AGBL1: variants seen among roughly 807,000 people sequenced by gnomAD.
AGBL1 encodes the protein AGBL carboxypeptidase 1.
In AGBL1, 130 loss-of-function variants were observed where a neutral mutation model predicts 118.9. The observed-to-expected ratio is 1.09, with a 90% CI of 0.95 to 1.26. The LOEUF (loss-of-function observed/expected upper bound fraction) is 1.26. AGBL1 is among the 50% of genes most tolerant of loss of function. The pLI, the probability that AGBL1 is intolerant of heterozygous loss-of-function variation, is 0.00. For missense variants in AGBL1, 1,584 were observed against 1,298.1 expected (o/e 1.22, Z -3.38); for synonymous variants, 555 against 478.9 (o/e 1.16, Z -2.08).
At chr15:86,385,820 T>C (rs1052162213) in intron 17 of AGBL1, among the ~76,000 whole-genome samples, 2 of 152,122 alleles carry the variant, frequency 1.3e-5, no homozygotes, top group African/African-American at 4.8e-5. Flanking sequence ...GTGCATCCTT[T>C]GGGTATTTGA....
At chr15:86,617,756 A>G (rs555531922) in intron 21 of AGBL1, among the ~76,000 whole-genome samples, 1 of 101,608 alleles carries the variant, frequency 9.8e-6, no homozygotes, top group African/African-American at 3.6e-5. Context: ...ATTCAACTTT[A>G]TGCGCACACA....
At position 86,432,959 on chromosome 15, in the gene AGBL1, C is replaced by A. The variant is rs1315275203; in HGVS notation, c.2555+35413C>A. On this transcript the variant is annotated intron_variant, in intron 18 of 22. Coordinates refer to ENST00000614907, the MANE Select transcript of AGBL1 (RefSeq NM_001386094.1). ...GTTCTGGCAGGGCCTGGCTGCAGGG[C>A]TGCTAGGGGCCATGCTGAGGTCCAG... Among the ~76,000 whole-genome samples, 3 of 152,192 alleles carry A rather than the reference C, an allele frequency of 2.0e-5. No homozygotes were observed. In the East Asian group the frequency reaches 5.8e-4, roughly 29 times the overall value.
rs1020648891 is a variant in AGBL1, at chr15:86,346,496, G to A, written c.2375-50870G>A. ...CGAGTAACTGGGACTACAGGCGCCC[G>A]CCACCATGCCTGGCTAATATTTTTT... On this transcript the variant is annotated intron_variant, in intron 17 of 22. Coordinates refer to ENST00000614907, the MANE Select transcript of AGBL1 (RefSeq NM_001386094.1). Among the ~76,000 whole-genome samples, 11 of 151,888 alleles carry A rather than the reference G, an allele frequency of 7.2e-5. No individual in the cohort carries two copies. In the South Asian group the frequency reaches 1.9e-3, roughly 26 times the overall value.
chr15:86,713,018 T>A (rs1035426833), intron 22 of AGBL1, among the ~76,000 whole-genome samples: 1 of 152,150 alleles, frequency 6.6e-6, no homozygotes, highest in African/African-American at 2.4e-5. Flanking sequence ...AAGGGACAAT[T>A]TAGCTTGTGT....
intron 17 of AGBL1, among the ~76,000 whole-genome samples, chr15:86,347,411 G>A (rs1322519799): frequency 6.6e-6 from 1 of 152,132 alleles, no homozygotes; most frequent in African/African-American, 2.4e-5. Context: ...ACAGGGTTAC[G>A]TCCTAGTAGA....
At chr15:86,635,759 C>T (rs904871689) in intron 21 of AGBL1, among the ~76,000 whole-genome samples, 1 of 152,122 alleles carries the variant, frequency 6.6e-6, no homozygotes, top group Non-Finnish European at 1.5e-5. Flanking sequence ...AAAGATATCA[C>T]CCATCACATA....
intron 22 of AGBL1, among the ~76,000 whole-genome samples, chr15:86,683,377 A>T (rs940245926): frequency 4.6e-5 from 7 of 152,196 alleles, no homozygotes; most frequent in African/African-American, 1.4e-4. Context: ...TGGTGAATTG[A>T]AAAGAGAAAA....
At chr15:86,508,602 C>A (rs2083012578) in intron 18 of AGBL1, among the ~76,000 whole-genome samples, 1 of 151,866 alleles carries the variant, frequency 6.6e-6, no homozygotes, top group Non-Finnish European at 1.5e-5. Flanking sequence ...TTTTTCTCCT[C>A]TTATTTTTAT....
intron 18 of AGBL1, among the ~76,000 whole-genome samples, chr15:86,495,600 C>A (rs984310109): frequency 6.6e-6 from 1 of 151,780 alleles, no homozygotes; most frequent in Non-Finnish European, 1.5e-5. Flanking sequence ...ATTGTTGGAA[C>A]GCTGTTCTTA....
chr15:86,938,651 G>C (rs1031977246), intron 23 of AGBL1: 3 of 152,184 alleles, frequency 2.0e-5, no homozygotes, highest in Non-Finnish European at 4.4e-5. Flanking sequence ...CTCTCTCAGG[G>C]GTTGGAGAAA....
chr15:86,923,358 A>G (rs117309341), intron 23 of AGBL1, among the ~76,000 whole-genome samples: 299 of 152,280 alleles, frequency 2.0e-3, no homozygotes, highest in Admixed American at 4.8e-3. Flanking sequence ...TTCAATACAC[A>G]GGGCCCAGGA....
intron 21 of AGBL1, among the ~76,000 whole-genome samples, chr15:86,609,390 G>A (rs1035280435): frequency 6.6e-6 from 1 of 152,202 alleles, no homozygotes; most frequent in African/African-American, 2.4e-5. Flanking sequence ...TACCAAAGCT[G>A]AGAATCACAG....
intron 19 of AGBL1, among the ~76,000 whole-genome samples, chr15:86,525,693 C>A (rs1161903989): frequency 6.6e-6 from 1 of 152,124 alleles, no homozygotes; most frequent in Non-Finnish European, 1.5e-5. Context: ...CCCTGTCTCT[C>A]ACCAAATACA....
chr15:86,500,866 T>C (rs1318085767), intron 18 of AGBL1, among the ~76,000 whole-genome samples: 3 of 151,810 alleles, frequency 2.0e-5, no homozygotes, highest in Admixed American at 2.0e-4. Context: ...TATTCCATTG[T>C]ATGGGGATAC....
At chr15:86,471,813 C>T (rs762644566) in intron 18 of AGBL1, among the ~76,000 whole-genome samples, 35 of 152,060 alleles carry the variant, frequency 2.3e-4, no homozygotes, top group Non-Finnish European at 4.4e-4. Flanking sequence ...CGAATGGTGA[C>T]CTCCAAAAAG....
intron 21 of AGBL1, among the ~76,000 whole-genome samples, chr15:86,580,981 T>C (rs2084164906): frequency 6.6e-6 from 1 of 152,212 alleles, no homozygotes; most frequent in South Asian, 2.1e-4. Flanking sequence ...AAATTTTTGC[T>C]GTATTGTGCA....
At chr15:86,086,572 G>T (rs191131614) in intron 1 of AGBL1, among the ~76,000 whole-genome samples, 1 of 152,216 alleles carries the variant, frequency 6.6e-6, no homozygotes, top group Admixed American at 6.5e-5. Context: ...AAACAGAATG[G>T]CAAAGCGTAT....
chr15:86,966,009 C>A (rs1438392806), intron 23 of AGBL1, among the ~76,000 whole-genome samples: 5 of 151,708 alleles, frequency 3.3e-5, no homozygotes, highest in South Asian at 2.1e-4. Flanking sequence ...TCATCATCAT[C>A]ATAATAATAA....
At position 86,880,244 on chromosome 15, in the gene AGBL1, T is replaced by C. The variant is rs540919066; in HGVS notation, c.3159-26843T>C. On this transcript the variant is annotated intron_variant, in intron 22 of 22. Coordinates refer to ENST00000614907, the MANE Select transcript of AGBL1 (RefSeq NM_001386094.1). ...ATTTGAAAATCACACTATAAAATTA[T>C]GTCAGTGATAAAGTAAGAAATTCAC... 2.6e-5 allele frequency among the ~76,000 whole-genome samples: 4 copies of C among 152,336 alleles called. No homozygotes were observed. The East Asian group carries it at 7.7e-4, about 29-fold the overall frequency.
Sources: gnomAD v4.1 joint callset for allele counts (sites outside exome capture counted in the v4.1 genomes callset) on GRCh38, gnomAD v4.1.1 for gene constraint, MANE v1.5 for transcripts, NCBI Gene and HGNC (gene_info 2026-07-23, HGNC 2026-07-21) for gene names.